Variants in SPATA21 observed in about 807,000 individuals in gnomAD.
SPATA21 encodes spermatogenesis-associated protein 21.
In SPATA21, 47 loss-of-function variants were observed where a neutral mutation model predicts 54.8. That is an observed-to-expected ratio of 0.86 (90% CI 0.68 to 1.09). SPATA21 has a LOEUF of 1.09. Ranked by LOEUF, SPATA21 falls within the 50% of genes least tolerant of loss-of-function variation. SPATA21 has a pLI of 0.00. For synonymous variants in SPATA21, 245 were observed against 235.3 expected, an observed-to-expected ratio of 1.04 and a Z score of -0.38; for missense variants, 599 against 596.4, an observed-to-expected ratio of 1.00 and a Z score of -0.05.
At chr1:16,399,588 T>C in intron 11 of SPATA21, 67 bp from the exon 12 acceptor site, 1 of 1,528,426 alleles carries the variant, frequency 6.5e-7, no homozygotes. Context: ...GCAGGCAGAT[T>C]CAAGTGAAAT....
At chr1:16,415,274 G>GGA (rs2085969002) in intron 5 of SPATA21, among the ~76,000 whole-genome samples, 1 of 152,108 alleles carries the variant, frequency 6.6e-6, no homozygotes. Flanking sequence ...GGAGGCGGAG[G>GGA]TTGCAGTGAG....
In SPATA21 at chr1:16,431,321, T is replaced by A; in HGVS notation, c.34+17A>T. 1 of 1,614,172 alleles carries A rather than the reference T, an allele frequency of 6.2e-7. No homozygotes were observed. The highest frequency in any genetic ancestry group is 8.5e-7 in the Non-Finnish European group (1 of 1,180,028). The stretch of plus-strand genomic sequence containing the variant: ...TCAGGCCAGGACTTGGCTGCGTCCC[T>A]GGAGCCTTGGTTCTACCCTCCGTGT... On this transcript the variant is annotated intron_variant, in intron 3 of 12. Transcript: ENST00000335496.
chr1:16,406,992 G>A (rs964424720), intron 7 of SPATA21, among the ~76,000 whole-genome samples: 7 of 152,326 alleles, frequency 4.6e-5, no homozygotes, highest in African/African-American at 1.4e-4. Context: ...TGACTGGGAC[G>A]GTGGGCATGG....
chr1:16,414,366 G>C (rs551503873), intron 5 of SPATA21, among the ~76,000 whole-genome samples: 1 of 151,780 alleles, frequency 6.6e-6, no homozygotes, highest in African/African-American at 2.4e-5. Context: ...ACCGCACCCA[G>C]CCTAAACTGT....
Position 16,434,941 on chromosome 1 carries a change from TC to T in SPATA21, c.-186-2018del, listed in dbSNP as rs565733035. Among the ~76,000 whole-genome samples the T allele has an allele frequency of 1.1e-3, 162 of 152,100 alleles. 1 individual carries two copies. The highest frequency in any genetic ancestry group is 2.2e-3 in the Non-Finnish European group (148 of 68,018). On this transcript the variant is annotated intron_variant, in intron 1 of 12. Transcript: ENST00000335496. ...GGTATGACCATAGCTCACTGCAACC[TC>T]CAACTCTGGGGTTCAAGGGATCCTC... is the stretch of plus-strand genomic sequence containing the variant.
chr1:16,419,110 G>C (rs1475802121), intron 5 of SPATA21, among the ~76,000 whole-genome samples: 2 of 152,226 alleles, frequency 1.3e-5, no homozygotes, highest in Non-Finnish European at 2.9e-5. Flanking sequence ...GATAGGCTGA[G>C]TGTGGCTGAC....
chr1:16,421,604 G>T lies in SPATA21; in HGVS notation c.96-47C>A. ...AGGTGGGGGAAGCGCTCAGCTGAAG[G>T]TTTGCCCCCCTGCCCTCCCCTCTCA... is the stretch of plus-strand genomic sequence containing the variant. On this transcript the variant is annotated intron_variant, in intron 4 of 12. Transcript: ENST00000335496. This position sits in a 1 kb window ranked among gnomAD's most constrained non-coding sequence, Gnocchi z 5.2. 1 of 1,581,822 alleles carries T rather than the reference G, an allele frequency of 6.3e-7. No homozygotes were observed. The highest frequency in any genetic ancestry group is 8.6e-7 in the Non-Finnish European group (1 of 1,160,874).
At position 16,431,377 on chromosome 1, in the gene SPATA21, C is replaced by T. The variant is rs2100903498; in HGVS notation, c.-6G>A. On this transcript the variant is annotated 5_prime_UTR_variant, in exon 3 of 13. It introduces an in-frame stop codon into an upstream open reading frame of the 5' UTR. Coordinates refer to ENST00000335496, the MANE Select transcript of SPATA21 (RefSeq NM_198546.1). Reference sequence around the variant, plus strand: ...TGGGTGTTTCTATTGTCCATGATGCCAGCGCCAACACGGGTGCCAAGTGAG... The same window carrying T: ...TGGGTGTTTCTATTGTCCATGATGCTAGCGCCAACACGGGTGCCAAGTGAG... 1.9e-6 allele frequency: 3 copies of T among 1,614,044 alleles called. No individual in the cohort carries two copies. The highest frequency in any genetic ancestry group is 2.5e-6 in the Non-Finnish European group (3 of 1,179,980).
At chr1:16,399,290 C>G in intron 12 of SPATA21, 54 bp downstream of exon 12, 1 of 1,534,194 alleles carries the variant, frequency 6.5e-7, no homozygotes, top group Non-Finnish European at 8.8e-7. Flanking sequence ...CCAGGGGCCT[C>G]TTAAGGAAGA....
At chr1:16,413,760 G>A (rs139451370) in intron 5 of SPATA21, among the ~76,000 whole-genome samples, 7,044 of 152,054 alleles carry the variant, frequency 0.046, 249 homozygotes, top group Non-Finnish European at 0.07. Context: ...CTACAGGTGC[G>A]TGCCACCATG....
intron 5 of SPATA21, among the ~76,000 whole-genome samples, chr1:16,420,416 C>T (rs2086137123): frequency 6.6e-6 from 1 of 151,880 alleles, no homozygotes; most frequent in African/African-American, 2.4e-5. Flanking sequence ...CCCAGCTACT[C>T]AGGAGGCTGA....
chr1:16,409,928 T>C lies in SPATA21; in HGVS notation c.260A>G (p.Lys87Arg), dbSNP rs2100815769. ...CATTTTCTCCACCTCCAGCAAGCAC[T>C]TCATGAAGCCCTGCCGGAAGTTCCC... ...SLGNFRQGFM[K>R]CLLEVEKMEA... Residue 87 changes from lysine to arginine, a missense_variant, in exon 6 of 13, where the codon AAG (lysine) becomes AGG (arginine). Transcript: ENST00000335496. This position sits in a 1 kb window ranked among gnomAD's most constrained non-coding sequence, Gnocchi z 4.1. 2 of 1,613,854 alleles carry C rather than the reference T, an allele frequency of 1.2e-6. No individual in the cohort carries two copies. Among genetic ancestry groups the C allele is most frequent in the East Asian group, 4.5e-5 (2 of 44,870 alleles).
At chr1:16,430,307 C>G (rs2100899617) in intron 3 of SPATA21, among the ~76,000 whole-genome samples, 1 of 151,288 alleles carries the variant, frequency 6.6e-6, no homozygotes, top group South Asian at 2.1e-4. Flanking sequence ...ACAAGCCACG[C>G]CTATAGTTCC....
chr1:16,401,008 A>C, intron 10 of SPATA21, 116 bp from the exon 11 acceptor site: 1 of 1,276,222 alleles, frequency 7.8e-7, no homozygotes, highest in Non-Finnish European at 1.1e-6. Flanking sequence ...AGGAGTCAGG[A>C]AACCTGGCTT....
chr1:16,422,637 C>A (rs1191558533), intron 3 of SPATA21, among the ~76,000 whole-genome samples: 2 of 151,844 alleles, frequency 1.3e-5, no homozygotes, highest in Non-Finnish European at 2.9e-5. Flanking sequence ...TCCCAAGTAG[C>A]TGGGACTACA....
intron 11 of SPATA21, chr1:16,400,519 G>A (rs185059836): frequency 3.7e-4 from 493 of 1,345,992 alleles, no homozygotes; most frequent in Non-Finnish European, 4.3e-4. Context: ...GGAGTCCAAC[G>A]CAGGAGGCCA....
chr1:16,428,088 T>C lies in SPATA21; in HGVS notation c.34+3250A>G. The C allele has an allele frequency of 6.7e-7, 1 of 1,489,944 alleles. No individual in the cohort carries two copies. Among genetic ancestry groups the C allele is most frequent in the Non-Finnish European group, 9.0e-7 (1 of 1,107,060 alleles). The allele number at this position is 1,489,944 out of a possible 1,614,324, so 92.3% of individuals were successfully genotyped here. On this transcript the variant is annotated intron_variant, in intron 3 of 12. Coordinates refer to ENST00000335496, the MANE Select transcript of SPATA21 (RefSeq NM_198546.1). This position sits in a 1 kb window ranked among gnomAD's most constrained non-coding sequence, Gnocchi z 4.3. ...CCCGTTCTGGAGTGATCCCTCCCAC[T>C]CCTCCCTGGGTACTCTTCTGGCCTC...
chr1:16,401,323 C>T (rs1391350842), intron 10 of SPATA21, among the ~76,000 whole-genome samples: 1 of 152,164 alleles, frequency 6.6e-6, no homozygotes, highest in African/African-American at 2.4e-5. Flanking sequence ...GAGACAGAGT[C>T]TCACTCTGTT....
intron 3 of SPATA21, chr1:16,427,922 A>G: frequency 1.3e-6 from 2 of 1,550,084 alleles, no homozygotes; most frequent in Non-Finnish European, 8.7e-7. Flanking sequence ...CCCTTCTCAA[A>G]TGCATCTCTG....
Sources: allele counts gnomAD v4.1 joint callset (sites outside exome capture counted in the v4.1 genomes callset), GRCh38; gene constraint gnomAD v4.1.1; non-coding constraint Gnocchi (gnomAD v3.1); transcripts MANE v1.5; gene names NCBI Gene and HGNC (gene_info 2026-07-23, HGNC 2026-07-21).